Variants in CNR2 observed in about 807,000 individuals in gnomAD.
CNR2 encodes the protein cannabinoid receptor 2 (macrophage).
For missense variants in CNR2, 379 were observed against 439.9 expected (o/e 0.86, Z 1.24); for synonymous variants, 172 against 182.2 (o/e 0.94, Z 0.45).
chr1:23,890,205 G>A (rs1390195767), intron 1 of CNR2, among the ~76,000 whole-genome samples: 3 of 145,856 alleles, frequency 2.1e-5, no homozygotes, highest in African/African-American at 7.6e-5. Context: ...GCTGCAGTAA[G>A]CAGTGATTGT....
Position 23,874,407 on chromosome 1 carries a change from C to G in CNR2, c.*128G>C. On this transcript the variant is annotated 3_prime_UTR_variant, in exon 2 of 2. Transcript: ENST00000374472. The stretch of plus-strand genomic sequence containing the variant: ...AGGAGTCAGTCCCAACACTCATCAG[C>G]AAAAAGGGGTCCGTGTCTAGGTGTC... 1 of 1,066,802 alleles carries G rather than the reference C, an allele frequency of 9.4e-7. No individual in the cohort carries two copies. The allele number at this position is 1,066,802 out of a possible 1,614,324, so 66.1% of individuals were successfully genotyped here. A position where few individuals can be genotyped will look rare whatever the true frequency, so the allele number is the denominator to read the frequency against.
chr1:23,890,464 C>T (rs537345150), intron 1 of CNR2, among the ~76,000 whole-genome samples: 7 of 151,806 alleles, frequency 4.6e-5, no homozygotes, highest in South Asian at 4.2e-4. Context: ...GAAACAGACC[C>T]GCTGGGCGAG....
At chr1:23,880,185 C>CTTTT (rs142971648) in intron 1 of CNR2, among the ~76,000 whole-genome samples, 1 of 128,752 alleles carries the variant, frequency 7.8e-6, no homozygotes, top group Non-Finnish European at 1.6e-5. Flanking sequence ...ACTTCCAACT[C>CTTTT]TTTTTTTTTT....
chr1:23,907,981 C>CTTTTTTTTTTTTT (rs35507609), intron 1 of CNR2: 1 of 79,296 alleles, frequency 1.3e-5, no homozygotes, highest in Non-Finnish European at 2.2e-5. Flanking sequence ...CTAACTACTG[C>CTTTTTTTTTTTTT]TTTTTTTTTT....
chr1:23,883,509 G>T (rs964229311), intron 1 of CNR2, among the ~76,000 whole-genome samples: 1 of 152,284 alleles, frequency 6.6e-6, no homozygotes. Context: ...TGGTGAAAAC[G>T]TGCCAACAAT....
intron 1 of CNR2, chr1:23,907,965 TCAC>T (rs1285640452): frequency 2.1e-5 from 3 of 143,202 alleles, no homozygotes; most frequent in African/African-American, 5.1e-5. Flanking sequence ...GTTTGTTCTA[TCAC>T]CACTAACTAC....
intron 1 of CNR2, among the ~76,000 whole-genome samples, chr1:23,910,610 C>T (rs1319106336): frequency 5.6e-5 from 7 of 125,234 alleles, no homozygotes; most frequent in Admixed American, 4.0e-4. Context: ...GCTGAGATTA[C>T]GCCATTATAC....
At chr1:23,902,243 C>G in intron 1 of CNR2, 1 of 1,353,446 alleles carries the variant, frequency 7.4e-7, no homozygotes, top group Non-Finnish European at 1.0e-6. Flanking sequence ...TGATCTCCAA[C>G]GTCTGCCGGT....
Position 23,875,132 on chromosome 1 carries a change from T to G in CNR2, c.486A>C (p.Ala162=). The change falls in exon 2 of 2, where the codon GCA becomes GCC. Residue 162 remains alanine, a synonymous_variant. Coordinates refer to ENST00000374472, the MANE Select transcript of CNR2 (RefSeq NM_001841.3). ...CCATGAGGGGCAGGTAGGAGACTAGTGCTGAGAGGACCCACATGATGCCCA... is the reference window on the plus strand; with the variant it reads ...CCATGAGGGGCAGGTAGGAGACTAGGGCTGAGAGGACCCACATGATGCCCA... ...VTLGIMWVLS[A]LVSYLPLMGW... 1 of 1,611,000 alleles carries G rather than the reference T, an allele frequency of 6.2e-7. No individual in the cohort carries two copies.
intron 1 of CNR2, among the ~76,000 whole-genome samples, chr1:23,877,930 C>T (rs1639916152): frequency 6.7e-6 from 1 of 149,754 alleles, no homozygotes; most frequent in Non-Finnish European, 1.5e-5. Flanking sequence ...CACTGCACAG[C>T]AGCCTGGGCG....
intron 1 of CNR2, among the ~76,000 whole-genome samples, chr1:23,884,796 C>G (rs1168030002): frequency 6.5e-5 from 7 of 108,420 alleles, no homozygotes; most frequent in Non-Finnish European, 1.2e-4. Flanking sequence ...AGCAGGTGCT[C>G]AAAAACAATT....
chr1:23,901,368 G>C, intron 1 of CNR2: 1 of 1,028,456 alleles, frequency 9.7e-7, no homozygotes, highest in Non-Finnish European at 1.4e-6. Context: ...ACATGCCAAA[G>C]AGAGACAAGG....
Position 23,875,496 on chromosome 1 carries a change from G to A in CNR2, c.122C>T (p.Thr41Ile), listed in dbSNP as rs950189696. ...CAGGGCACTTAGCAGGCCCAGAAGAGTGCACAACACAGCAACAGCTGTCTT... is the reference window on the plus strand; with the variant it reads ...CAGGGCACTTAGCAGGCCCAGAAGAATGCACAACACAGCAACAGCTGTCTT... Reference protein sequence around the residue: ...PQKTAVAVLCTLLGLLSALEN... With the variant: ...PQKTAVAVLCILLGLLSALEN... Residue 41 changes from threonine to isoleucine, a missense_variant, in exon 2 of 2, where the codon ACT (threonine) becomes ATT (isoleucine). Physicochemically the swap from Thr to Ile is moderately conservative, Grantham distance 89 (BLOSUM62 -1). Coordinates refer to ENST00000374472, the MANE Select transcript of CNR2 (RefSeq NM_001841.3). 3 of 1,614,038 alleles carry A rather than the reference G, an allele frequency of 1.9e-6. No homozygotes were observed. The highest frequency in any genetic ancestry group is 1.7e-5 in the Admixed American group (1 of 59,986).
In CNR2 at chr1:23,898,352, T is replaced by C. The variant is rs1448195325; in HGVS notation, c.-46+14894A>G. Among the ~76,000 whole-genome samples the C allele has an allele frequency of 6.1e-5, 8 of 130,898 alleles. No individual in the cohort carries two copies. The East Asian group carries it at 1.8e-3, about 29-fold the overall frequency. The allele number at this position is 130,898 out of a possible 152,430, so 85.9% of individuals were successfully genotyped here. ...GCGCCCGGCTTTTTTTTTTTTTTTT[T>C]TTTTTTTGAGATGGAGTCTTGTTCT... is the stretch of plus-strand genomic sequence containing the variant. On this transcript the variant is annotated intron_variant, in intron 1 of 1. Coordinates refer to ENST00000374472, the MANE Select transcript of CNR2 (RefSeq NM_001841.3).
At chr1:23,880,763 C>T (rs758217561) in intron 1 of CNR2, among the ~76,000 whole-genome samples, 4 of 150,756 alleles carry the variant, frequency 2.7e-5, no homozygotes, top group Non-Finnish European at 4.4e-5. Flanking sequence ...GTAGAGATGG[C>T]GTTTCACCAT....
At chr1:23,901,330 A>G in intron 1 of CNR2, 1 of 715,356 alleles carries the variant, frequency 1.4e-6, no homozygotes, top group South Asian at 2.4e-5. Context: ...AAAGGTGCCT[A>G]CTTCACAGAA....
chr1:23,909,957 T>G (rs1640556266), intron 1 of CNR2, among the ~76,000 whole-genome samples: 1 of 150,752 alleles, frequency 6.6e-6, no homozygotes, highest in Non-Finnish European at 1.5e-5. Context: ...TGTGGACAAG[T>G]CTCTCTCCTT....
intron 1 of CNR2, among the ~76,000 whole-genome samples, chr1:23,908,143 G>T (rs1406373025): frequency 1.3e-5 from 2 of 151,880 alleles, no homozygotes; most frequent in Non-Finnish European, 2.9e-5. Flanking sequence ...ACTATGCCCG[G>T]CTAATTTTTG....
At chr1:23,878,453 T>TC (rs1374680535) in intron 1 of CNR2, among the ~76,000 whole-genome samples, 1 of 151,854 alleles carries the variant, frequency 6.6e-6, no homozygotes, top group Non-Finnish European at 1.5e-5. Flanking sequence ...AATTTTTTTT[T>TC]TTTTGAGACA....
Sources: allele counts gnomAD v4.1 joint callset (sites outside exome capture counted in the v4.1 genomes callset), GRCh38; gene constraint gnomAD v4.1.1; transcripts MANE v1.5; gene names NCBI Gene and HGNC (gene_info 2026-07-23, HGNC 2026-07-21).